AMOT: variants seen among roughly 807,000 people sequenced by gnomAD.
AMOT encodes the protein angiomotin.
In AMOT, 11 loss-of-function variants were observed where a neutral mutation model predicts 67.0. That is an observed-to-expected ratio of 0.16 (90% confidence interval 0.10 to 0.27). The LOEUF is 0.27. Ranked by LOEUF, AMOT falls within the 10% of genes least tolerant of loss-of-function variation. The probability of loss-of-function intolerance (pLI) is 1.00; values close to 1 mark genes in which losing one functional copy is unlikely to be tolerated. For synonymous variants in AMOT, 326 were observed against 321.4 expected, an observed-to-expected ratio of 1.01 and a Z score of -0.15; for missense variants, 753 against 852.0, an observed-to-expected ratio of 0.88 and a Z score of 1.45.
chrX:112,779,623 A>G lies in AMOT; in HGVS notation c.2531T>C (p.Val844Ala). Residue 844 changes from valine to alanine, a missense_variant, in exon 13 of 14, where the codon GTG becomes GCG. Val to Ala is a moderately conservative substitution (Grantham distance 64). This residue lies in a region of AMOT where 269 missense variants were observed against 300.9 expected (regional missense o/e 0.89). Coordinates refer to ENST00000371959, the MANE Select transcript of AMOT (RefSeq NM_001113490.2). ...AEYVPSTPSP[V>A]PPSTPLLSAH... ...CGAGAGCAGGGGAGTCGAGGGTGGC[A>G]CAGGCGAGGGTGTGGAAGGGACATA... is the stretch of plus-strand genomic sequence containing the variant. 8.3e-7 allele frequency: 1 copy of G among 1,211,184 alleles called. No individual in the cohort carries two copies. The highest frequency in any genetic ancestry group is 1.1e-6 in the Non-Finnish European group (1 of 895,375).
chrX:112,832,313 C>CTCT lies in AMOT; in HGVS notation c.-232_-231insAGA, dbSNP rs1935010900. 8.9e-6 allele frequency: 1 copy of CTCT among 111,852 alleles called. No individual in the cohort carries two copies. The highest frequency in any genetic ancestry group is 1.9e-5 in the Non-Finnish European group (1 of 53,248). 9.2% of individuals were successfully genotyped at this position (111,852 alleles called of 1,213,427 possible). A position where few individuals can be genotyped will look rare whatever the true frequency, so the allele number is the denominator to read the frequency against. On this transcript the variant is annotated 5_prime_UTR_variant, in exon 2 of 14. Transcript: ENST00000371959. ...TATTACCTTTAGTTTCTCAGCCTTC[C>CTCT]TTCTAAGGAGACAAAAGCTCTTTCA...
rs1602811241 is a variant in AMOT at position 112,815,542 on chromosome X, G to A, written c.1208C>T (p.Pro403Leu). The change falls in exon 5 of 14, where the codon CCA becomes CTA. Residue 403 changes from proline (P) to leucine (L), a missense_variant. By Grantham distance (98) the Pro-to-Leu change is moderately conservative (BLOSUM62 -3). Around this residue, in one of 5 missense-constraint regions of AMOT, gnomAD observed 297 missense variants for 284.3 expected, o/e 1.04. Coordinates refer to ENST00000371959, the MANE Select transcript of AMOT (RefSeq NM_001113490.2). ...QQQQQQPQQQ[P>L]GEAYSAMPRA... ...AGGCATAGCTGAATAGGCTTCTCCT[G>A]GCTGCTGCTGTGGCTGCTGCTGCTG... is the stretch of plus-strand genomic sequence containing the variant. 7.4e-6 allele frequency: 9 copies of A among 1,211,573 alleles called. No homozygotes were observed. Among genetic ancestry groups the A allele is most frequent in the Non-Finnish European group, 8.9e-6 (8 of 895,429 alleles).
chrX:112,824,930 T>A (rs1249368187), intron 3 of AMOT, 142 bp downstream of exon 3: 1 of 110,344 alleles, frequency 9.1e-6, no homozygotes, highest in Non-Finnish European at 1.9e-5. Context: ...ATGCAGACAC[T>A]GAGCTGCCCT....
At position 112,797,868 on chromosome X, in the gene AMOT, GAAAT is replaced by G. The variant is rs763959755; in HGVS notation, c.1777-5891_1777-5888del. Reference sequence around the variant, plus strand: ...AGAGGAAGAAGAGAAAAAAAGAAAAGAAATAGAAAGAAAGAGAGAGAGAGAAAGA... The same window carrying G: ...AGAGGAAGAAGAGAAAAAAAGAAAAGAGAAAGAAAGAGAGAGAGAGAAAGA... On this transcript the variant is annotated intron_variant, in intron 8 of 13. Transcript: ENST00000371959. Among the ~76,000 whole-genome samples the G allele has an allele frequency of 6.2e-4, 66 of 106,211 alleles. No individual in the cohort carries two copies. In the South Asian group the frequency reaches 6.7e-3, roughly 11 times the overall value. 92.2% of individuals were successfully genotyped at this position (106,211 alleles called of 115,157 possible).
intron 9 of AMOT, among the ~76,000 whole-genome samples, chrX:112,791,346 G>A (rs1933579399): frequency 9.0e-6 from 1 of 110,839 alleles, no homozygotes; most frequent in African/African-American, 3.3e-5. Flanking sequence ...CTTGGATCAC[G>A]CCACTGCACT....
At chrX:112,809,787 G>T in intron 7 of AMOT, 107 bp downstream of exon 7, 2 of 627,643 alleles carry the variant, frequency 3.2e-6, no homozygotes, top group Non-Finnish European at 5.0e-6. Flanking sequence ...AGGTGATATT[G>T]ACTCTGCCCT....
intron 1 of AMOT, among the ~76,000 whole-genome samples, chrX:112,833,067 C>A (rs188056755): frequency 1.8e-5 from 2 of 111,788 alleles, no homozygotes; most frequent in African/African-American, 6.5e-5. Context: ...AATCATATAA[C>A]CCAGCTAACT....
chrX:112,829,225 C>A (rs1602838592), intron 2 of AMOT, among the ~76,000 whole-genome samples: 1 of 111,752 alleles, frequency 8.9e-6, no homozygotes, highest in East Asian at 2.8e-4. Flanking sequence ...CTGCCCAAAT[C>A]TCATGTTGAA....
chrX:112,795,280 G>A (rs1462327802), intron 8 of AMOT, among the ~76,000 whole-genome samples: 1 of 109,218 alleles, frequency 9.2e-6, no homozygotes, highest in African/African-American at 3.4e-5. Flanking sequence ...GTGTGTATGT[G>A]TATGTCACAT....
chrX:112,807,686 T>A (rs1443382514), intron 7 of AMOT, among the ~76,000 whole-genome samples: 1 of 111,755 alleles, frequency 8.9e-6, no homozygotes. Flanking sequence ...TTTGTAAGGA[T>A]CAAATGAGAT....
Position 112,811,277 on chromosome X carries a change from C to T in AMOT, c.1509G>A (p.Arg503=), listed in dbSNP as rs578044474. 5 of 1,209,141 alleles carry T rather than the reference C, an allele frequency of 4.1e-6. No homozygotes were observed. In the Admixed American group the frequency reaches 8.8e-5, roughly 21 times the overall value. ...MRNKLEGEIR[R]MHDFNRDLRE... ...TCAGATCCCTGTTGAAATCATGCATCCTCCGAATCTCGCCCTCTAGCTTGT... is the reference window on the plus strand; with the variant it reads ...TCAGATCCCTGTTGAAATCATGCATTCTCCGAATCTCGCCCTCTAGCTTGT... The change falls in exon 6 of 14, where the codon AGG becomes AGA. Residue 503 remains arginine (R), a synonymous_variant. Transcript: ENST00000371959.
chrX:112,797,880 A>AAG (rs202086183), intron 8 of AMOT, among the ~76,000 whole-genome samples: 1 of 108,544 alleles, frequency 9.2e-6, no homozygotes, highest in African/African-American at 3.3e-5. Context: ...AATAGAAAGA[A>AAG]AGAGAGAGAG....
intron 8 of AMOT, among the ~76,000 whole-genome samples, chrX:112,798,820 C>G (rs972240482): frequency 2.7e-5 from 3 of 111,668 alleles, no homozygotes; most frequent in Non-Finnish European, 3.8e-5. Context: ...AAGGCAAATA[C>G]TCTTGAGCTC....
In AMOT at chrX:112,833,489, G is replaced by A. The variant is rs930202681; in HGVS notation, c.-288-1119C>T. Among the ~76,000 whole-genome samples the A allele has an allele frequency of 3.6e-4, 36 of 100,705 alleles. 1 individual carries two copies. Among genetic ancestry groups the A allele is most frequent in the African/African-American group, 1.3e-3 (34 of 26,993 alleles). 87.5% of individuals were successfully genotyped at this position (100,705 alleles called of 115,157 possible). A position where few individuals can be genotyped will look rare whatever the true frequency, so the allele number is the denominator to read the frequency against. Reference sequence around the variant, plus strand: ...GTTCCTGGGAGTAAAGGGGGGGGGGGGGTCATCAAAATTTTCTTAGCTTCA... The same window carrying A: ...GTTCCTGGGAGTAAAGGGGGGGGGGAGGTCATCAAAATTTTCTTAGCTTCA... On this transcript the variant is annotated intron_variant, in intron 1 of 13. Transcript: ENST00000371959.
chrX:112,838,162 C>G (rs12857699), intron 1 of AMOT, among the ~76,000 whole-genome samples: 2 of 111,475 alleles, frequency 1.8e-5, no homozygotes, highest in Admixed American at 1.9e-4. Flanking sequence ...CTCCCCCACT[C>G]CACCCCCACG....
chrX:112,788,158 A>G (rs770585962), intron 10 of AMOT, among the ~76,000 whole-genome samples: 84 of 110,194 alleles, frequency 7.6e-4, no homozygotes, highest in East Asian at 2.3e-3. Flanking sequence ...GCGTGGTGGC[A>G]CACGCCTATA....
intron 8 of AMOT, among the ~76,000 whole-genome samples, chrX:112,800,272 AAAAG>A (rs780479320): frequency 5.4e-5 from 6 of 111,869 alleles, no homozygotes; most frequent in East Asian, 5.6e-4. Context: ...AAAAGAGAAC[AAAAG>A]AAAGAAAGAA....
At chrX:112,809,760 T>G in intron 7 of AMOT, 134 bp downstream of exon 7, 1 of 515,487 alleles carries the variant, frequency 1.9e-6, no homozygotes, top group East Asian at 3.5e-5. Flanking sequence ...CATGCCTGAA[T>G]AGGAAAAACA....
rs1276395779 is a variant in AMOT at position 112,805,082 on chromosome X, G to A, written c.1641C>T (p.Ser547=). The A allele has an allele frequency of 1.7e-6, 2 of 1,209,207 alleles. No individual in the cohort carries two copies. Among genetic ancestry groups the A allele is most frequent in the Admixed American group, 2.2e-5 (1 of 45,638 alleles). ...CTTCCAGCTTCTCCTTCTCACGCTG[G>A]CTTTCTTTATCTGTCAGGACATTAA... The part of the protein sequence containing the change: ...ISQLFAKNKE[S]QREKEKLEAE... Residue 547 remains serine (S), a synonymous_variant, in exon 8 of 14, where the codon AGC becomes AGT. Coordinates refer to ENST00000371959, the MANE Select transcript of AMOT (RefSeq NM_001113490.2).
Sources: allele counts gnomAD v4.1 joint callset (sites outside exome capture counted in the v4.1 genomes callset), GRCh38; gene constraint gnomAD v4.1.1; regional missense constraint gnomAD v4.1.1; transcripts MANE v1.5; gene names NCBI Gene and HGNC (gene_info 2026-07-23, HGNC 2026-07-21).